The following IQANK1 variants were observed in gnomAD, a reference collection of about 807,000 sequenced individuals.
The protein encoded by IQANK1 is IQ motif and ankyrin repeat containing 1, also known as IQ motif and ankyrin repeat domain-containing protein 1.
In IQANK1, 30 loss-of-function variants were observed where a neutral mutation model predicts 22.6. The ratio of observed to expected loss-of-function variants is 1.33; its 90% CI spans 0.99 to 1.80. The LOEUF (loss-of-function observed/expected upper bound fraction) is 1.80, where lower values mean the gene tolerates loss of function less well. Ranked by LOEUF, IQANK1 falls within the 40% of genes most tolerant of loss-of-function variation. The pLI, the probability that IQANK1 is intolerant of heterozygous loss-of-function variation, is 0.00. For synonymous variants in IQANK1, 122 were observed against 99.6 expected (o/e 1.23, Z -1.34); for missense variants, 275 against 235.2 (o/e 1.17, Z -1.11).
intron 3 of IQANK1, among the ~76,000 whole-genome samples, chr8:143,769,231 T>C: frequency 6.6e-6 from 1 of 152,052 alleles, no homozygotes; most frequent in Non-Finnish European, 1.5e-5. Flanking sequence ...AGCTAATTTT[T>C]AGTTATTTGT....
Position 143,747,614 on chromosome 8 carries a change from T to C in IQANK1, c.175+7666T>C, listed in dbSNP as rs1200311605. 1.3e-4 allele frequency among the ~76,000 whole-genome samples: 19 copies of C among 150,596 alleles called. 2 individuals carry two copies. Among genetic ancestry groups the C allele is most frequent in the African/African-American group, 4.7e-4 (19 of 40,214 alleles). ...CCTAATTTTCTTTGTGATTTCTTTT[T>C]TGATCCATTGACTGTTGAAGGGTGT... On this transcript the variant is annotated intron_variant, in intron 3 of 13. Transcript: ENST00000527139.
chr8:143,782,995 T>C (rs781805652), intron 7 of IQANK1, among the ~76,000 whole-genome samples: 8 of 152,258 alleles, frequency 5.3e-5, no homozygotes, highest in Non-Finnish European at 1.0e-4. Context: ...TCAGTCTTGT[T>C]GCCTGTAGCT....
chr8:143,766,695 C>T (rs571265900), intron 3 of IQANK1, among the ~76,000 whole-genome samples: 4 of 152,066 alleles, frequency 2.6e-5, no homozygotes, highest in Non-Finnish European at 4.4e-5. Flanking sequence ...AAAAAAAGAA[C>T]GTACTGATTT....
At chr8:143,783,273 T>C (rs1373633699) in intron 7 of IQANK1, among the ~76,000 whole-genome samples, 4 of 152,228 alleles carry the variant, frequency 2.6e-5, no homozygotes, top group Non-Finnish European at 5.9e-5. Flanking sequence ...TGTTTTTTAA[T>C]GCAGACTCAT....
At chr8:143,763,945 C>T (rs975290044) in intron 3 of IQANK1, among the ~76,000 whole-genome samples, 10 of 152,018 alleles carry the variant, frequency 6.6e-5, no homozygotes, top group Non-Finnish European at 8.8e-5. Context: ...TTTTGTTATA[C>T]GAGATATGAT....
chr8:143,774,180 A>G lies in IQANK1; in HGVS notation c.789+1698A>G, dbSNP rs1467264976. On this transcript the variant is annotated intron_variant, in intron 7 of 13. Coordinates refer to ENST00000527139, the MANE Select transcript of IQANK1 (RefSeq NM_001381874.1). This position sits in a 1 kb window ranked among gnomAD's most constrained non-coding sequence, Gnocchi z 4.2. ...ACATGACACAAAAAGCACAATCCAA[A>G]AAAAAAAAAAAACCACATTGATAAA... Among the ~76,000 whole-genome samples the G allele has an allele frequency of 6.7e-6, 1 of 149,790 alleles. No homozygotes were observed. The highest frequency in any genetic ancestry group is 2.4e-5 in the African/African-American group (1 of 41,096).
intron 2 of IQANK1, among the ~76,000 whole-genome samples, chr8:143,736,167 G>C (rs1818733512): frequency 6.7e-6 from 1 of 148,212 alleles, no homozygotes; most frequent in Non-Finnish European, 1.5e-5. Flanking sequence ...TTGAGACGGA[G>C]TCTCGCTCTT....
In IQANK1 at chr8:143,789,284, AGAGCCGGGTGGGGAGGAGGGG is replaced by A. The variant is rs1819964064; in HGVS notation, c.993+48_993+68del. 4 of 402,730 alleles carry A rather than the reference AGAGCCGGGTGGGGAGGAGGGG, an allele frequency of 9.9e-6. No individual in the cohort carries two copies. The East Asian group carries it at 1.1e-4, about 11-fold the overall frequency. The allele number at this position is 402,730 out of a possible 1,614,324, so 24.9% of individuals were successfully genotyped here. On this transcript the variant is annotated intron_variant, in intron 9 of 13. Transcript: ENST00000527139. ...GGGAGGAGCCAGGAAAGGAGGAGGG[AGAGCCGGGTGGGGAGGAGGGG>A]GAGCCGAGGGAGGGCCAGGAAGCTG...
Position 143,748,881 on chromosome 8 carries a change from T to TATC in IQANK1, c.175+8935_175+8936insCAT, listed in dbSNP as rs1410676793. Among the ~76,000 whole-genome samples, 12 of 91,688 alleles carry TATC rather than the reference T, an allele frequency of 1.3e-4. 1 individual carries two copies. Among genetic ancestry groups the TATC allele is most frequent in the African/African-American group, 8.9e-4 (9 of 10,116 alleles). The allele number at this position is 91,688 out of a possible 152,430, so 60.2% of individuals were successfully genotyped here. A position where few individuals can be genotyped will look rare whatever the true frequency, so the allele number is the denominator to read the frequency against. ...TATCATATATAAATATATAAATATA[T>TATC]ATATCATAAATACTTAAAAATATAC... On this transcript the variant is annotated intron_variant, in intron 3 of 13. Transcript: ENST00000527139.
chr8:143,740,227 T>C (rs1204929120), intron 3 of IQANK1, among the ~76,000 whole-genome samples: 4 of 151,856 alleles, frequency 2.6e-5, no homozygotes, highest in Non-Finnish European at 5.9e-5. Context: ...GGGAAGACCC[T>C]ACCCTGCGCC....
chr8:143,734,418 C>G (rs114452617), intron 1 of IQANK1, among the ~76,000 whole-genome samples, 199 bp downstream of exon 1: 1 of 151,302 alleles, frequency 6.6e-6, no homozygotes, highest in Non-Finnish European at 1.5e-5. Flanking sequence ...CTGGGGTCCC[C>G]CATCTTTCTC....
At position 143,786,125 on chromosome 8, in the gene IQANK1, A is replaced by C. The variant is rs545597683; in HGVS notation, c.790-2790A>C. Among the ~76,000 whole-genome samples, 73 of 152,064 alleles carry C rather than the reference A, an allele frequency of 4.8e-4. 2 individuals are homozygous for C. The South Asian group carries it at 0.015, about 30-fold the overall frequency. ...CAATCTGCATGCCTCAGCCTCCCAAAGTGCTGGGATTACAGGCATGAGCCA... is the reference window on the plus strand; with the variant it reads ...CAATCTGCATGCCTCAGCCTCCCAACGTGCTGGGATTACAGGCATGAGCCA... On this transcript the variant is annotated intron_variant, in intron 7 of 13. Transcript: ENST00000527139.
intron 3 of IQANK1, among the ~76,000 whole-genome samples, chr8:143,755,727 A>C (rs534568225): frequency 1.2e-4 from 18 of 152,200 alleles, no homozygotes; most frequent in Non-Finnish European, 2.4e-4. Flanking sequence ...GAACAAATTC[A>C]TATCTAGAAT....
chr8:143,750,172 A>G (rs1404768035), intron 3 of IQANK1, among the ~76,000 whole-genome samples: 1 of 151,206 alleles, frequency 6.6e-6, no homozygotes, highest in Non-Finnish European at 1.5e-5. Flanking sequence ...CTAATTTTGT[A>G]TTTTTAGTAG....
intron 3 of IQANK1, among the ~76,000 whole-genome samples, chr8:143,761,984 C>G (rs1379241810): frequency 6.6e-6 from 1 of 152,086 alleles, no homozygotes; most frequent in Non-Finnish European, 1.5e-5. Flanking sequence ...ATCATTTCTA[C>G]TTATCGTAGA....
Position 143,756,891 on chromosome 8 carries a change from C to T in IQANK1, c.176-14597C>T, listed in dbSNP as rs376033257. On this transcript the variant is annotated intron_variant, in intron 3 of 13. Coordinates refer to ENST00000527139, the MANE Select transcript of IQANK1 (RefSeq NM_001381874.1). The stretch of plus-strand genomic sequence containing the variant: ...CACTTGGGAGGCTGAGGCAAGAGGA[C>T]TGCTTGAGTCTTGGGAGGTCAAGCT... 8.9e-4 allele frequency among the ~76,000 whole-genome samples: 135 copies of T among 151,668 alleles called. 2 individuals carry two copies. Among genetic ancestry groups the T allele is most frequent in the African/African-American group, 3.1e-3 (129 of 41,346 alleles).
chr8:143,749,346 C>T (rs1251857109), intron 3 of IQANK1, among the ~76,000 whole-genome samples: 54 of 124,904 alleles, frequency 4.3e-4, no homozygotes, highest in Middle Eastern at 7.9e-3. Flanking sequence ...TATATAAAAA[C>T]ATAAATATAT....
In IQANK1 at chr8:143,734,456, C is replaced by T. The variant is rs546981942; in HGVS notation, c.-5+237C>T. Among the ~76,000 whole-genome samples the T allele has an allele frequency of 8.6e-5, 13 of 151,466 alleles. 1 individual carries two copies. Among genetic ancestry groups the T allele is most frequent in the South Asian group, 6.3e-4 (3 of 4,776 alleles). ...TCACCCCCTCACACCGATGCCCACA[C>T]TTGTAGGGGACTCTGCCGCAGTGAC... On this transcript the variant is annotated intron_variant, in intron 1 of 13. Transcript: ENST00000527139.
chr8:143,762,760 G>C (rs545851257), intron 3 of IQANK1, among the ~76,000 whole-genome samples: 1 of 152,146 alleles, frequency 6.6e-6, no homozygotes, highest in South Asian at 2.1e-4. Flanking sequence ...GCTGCAAGGG[G>C]AGTCACCTTC....
Sources: gnomAD v4.1 joint callset for allele counts (sites outside exome capture counted in the v4.1 genomes callset) on GRCh38, gnomAD v4.1.1 for gene constraint, Gnocchi (gnomAD v3.1) non-coding constraint, MANE v1.5 for transcripts, NCBI Gene and HGNC (gene_info 2026-07-23, HGNC 2026-07-21) for gene names.